The following ALK variants were observed in gnomAD, a reference collection of about 807,000 sequenced individuals.
ALK encodes the protein ALK receptor tyrosine kinase, also known as ALK tyrosine kinase receptor.
A neutral mutation model predicts 163.1 loss-of-function variants in ALK; 74 were observed. That is an observed-to-expected ratio of 0.45 (90% CI 0.38 to 0.55). The LOEUF is 0.55. ALK is among the 20% of genes least tolerant of loss of function. The pLI is 0.00. For synonymous variants in ALK, 960 were observed against 843.2 expected (o/e 1.14, Z -2.40); for missense variants, 2,063 against 2,105.3 (o/e 0.98, Z 0.39).
chr2:29,545,294 T>C (rs1673525503), intron 3 of ALK, among the ~76,000 whole-genome samples: 2 of 152,216 alleles, frequency 1.3e-5, no homozygotes, highest in Non-Finnish European at 2.9e-5. Flanking sequence ...TCATGTGGTC[T>C]TATGAATTGT....
intron 4 of ALK, among the ~76,000 whole-genome samples, chr2:29,490,457 A>C (rs1223353944): frequency 6.6e-6 from 1 of 152,220 alleles, no homozygotes; most frequent in Non-Finnish European, 1.5e-5. Flanking sequence ...GATCAGCGGC[A>C]TCAGCATCAT....
chr2:29,787,042 G>T (rs1450625804), intron 1 of ALK, among the ~76,000 whole-genome samples: 1 of 152,068 alleles, frequency 6.6e-6, no homozygotes, highest in Admixed American at 6.5e-5. Flanking sequence ...TGATCTGCCC[G>T]CCTTGGCCTC....
chr2:29,369,982 T>C (rs112963134), intron 5 of ALK, among the ~76,000 whole-genome samples: 2 of 152,122 alleles, frequency 1.3e-5, no homozygotes, highest in African/African-American at 4.8e-5. Context: ...CCTCGTGCAT[T>C]AGTTGACACA....
At chr2:29,675,913 A>T (rs1337059377) in intron 3 of ALK, among the ~76,000 whole-genome samples, 4 of 151,968 alleles carry the variant, frequency 2.6e-5, no homozygotes, top group African/African-American at 9.7e-5. Context: ...TGTTGTAGAG[A>T]TGGCACCCCT....
intron 4 of ALK, among the ~76,000 whole-genome samples, chr2:29,518,194 C>T (rs1357155303): frequency 6.6e-6 from 1 of 152,148 alleles, no homozygotes; most frequent in Non-Finnish European, 1.5e-5. Context: ...ACACTTAAGA[C>T]AACAGTGCAG....
At chr2:29,816,704 G>A (rs1196875787) in intron 1 of ALK, among the ~76,000 whole-genome samples, 1 of 152,172 alleles carries the variant, frequency 6.6e-6, no homozygotes, top group African/African-American at 2.4e-5. Context: ...CACACCACCT[G>A]GCTCTGCGAC....
intron 4 of ALK, among the ~76,000 whole-genome samples, chr2:29,394,908 A>G (rs1035499595): frequency 1.1e-4 from 16 of 152,010 alleles, no homozygotes; most frequent in Non-Finnish European, 2.2e-4. Flanking sequence ...CCCATGGAGA[A>G]GGATAAAGAC....
intron 8 of ALK, among the ~76,000 whole-genome samples, chr2:29,304,944 C>T (rs934681696): frequency 6.6e-5 from 10 of 152,198 alleles, no homozygotes; most frequent in Non-Finnish European, 8.8e-5. Context: ...GCTTTCCAGA[C>T]GACTAATGTC....
At chr2:29,521,870 G>A (rs1672822183) in intron 4 of ALK, among the ~76,000 whole-genome samples, 1 of 152,240 alleles carries the variant, frequency 6.6e-6, no homozygotes, top group African/African-American at 2.4e-5. Context: ...TCAGAAGACA[G>A]GAGAGCGGAG....
chr2:29,431,091 C>T (rs116389736), intron 4 of ALK, among the ~76,000 whole-genome samples: 2,019 of 151,016 alleles, frequency 0.013, 43 homozygotes, highest in African/African-American at 0.046. Context: ...AGATGCCAGA[C>T]ACAAGAGAAT....
intron 26 of ALK, among the ~76,000 whole-genome samples, chr2:29,201,268 C>T (rs777267326): frequency 1.3e-5 from 2 of 152,168 alleles, no homozygotes; most frequent in Non-Finnish European, 2.9e-5. Flanking sequence ...GATGCCCACT[C>T]ATTAGCTTCA....
intron 1 of ALK, among the ~76,000 whole-genome samples, chr2:29,767,147 A>T (rs1411749235): frequency 6.6e-6 from 1 of 152,232 alleles, no homozygotes; most frequent in Non-Finnish European, 1.5e-5. Flanking sequence ...GAGTTTACAT[A>T]TAATTTTTAC....
intron 1 of ALK, among the ~76,000 whole-genome samples, chr2:29,811,212 G>A (rs939899758): frequency 1.3e-4 from 17 of 126,580 alleles, no homozygotes; most frequent in African/African-American, 3.5e-4. Context: ...GACGTGAAGC[G>A]GGAGAGAAGG....
At chr2:29,301,588 C>A (rs1666372036) in intron 8 of ALK, among the ~76,000 whole-genome samples, 1 of 152,196 alleles carries the variant, frequency 6.6e-6, no homozygotes, top group East Asian at 1.9e-4. Flanking sequence ...GGTCAGGGAC[C>A]AGGGAAGGGG....
intron 8 of ALK, among the ~76,000 whole-genome samples, chr2:29,302,625 T>C (rs2148235782): frequency 6.6e-6 from 1 of 152,334 alleles, no homozygotes; most frequent in Middle Eastern, 3.4e-3. Flanking sequence ...AGGCATGCAC[T>C]CTCTGAGTTT....
intron 9 of ALK, among the ~76,000 whole-genome samples, chr2:29,283,065 G>C (rs1665755161): frequency 6.6e-6 from 1 of 152,210 alleles, no homozygotes; most frequent in Non-Finnish European, 1.5e-5. Context: ...CAGCAAGCGA[G>C]GGGCCTGTGC....
At chr2:29,418,450 T>C (rs1187706764) in intron 4 of ALK, among the ~76,000 whole-genome samples, 1 of 152,232 alleles carries the variant, frequency 6.6e-6, no homozygotes, top group Non-Finnish European at 1.5e-5. Flanking sequence ...TTTTAAAACA[T>C]TTTTAAAGAT....
intron 3 of ALK, among the ~76,000 whole-genome samples, chr2:29,681,552 C>T (rs1678067497): frequency 1.3e-5 from 2 of 152,148 alleles, no homozygotes; most frequent in South Asian, 4.1e-4. Context: ...CCATTTAGTT[C>T]TTGAGTGTCT....
At chr2:29,406,919 C>G (rs146060528) in intron 4 of ALK, among the ~76,000 whole-genome samples, 2,330 of 146,116 alleles carry the variant, frequency 0.016, 60 homozygotes, top group African/African-American at 0.057. Context: ...AAAAAAGTTA[C>G]AACAGAATTT....
Sources: gnomAD v4.1 joint callset for allele counts (sites outside exome capture counted in the v4.1 genomes callset) on GRCh38, gnomAD v4.1.1 for gene constraint, MANE v1.5 for transcripts, NCBI Gene and HGNC (gene_info 2026-07-23, HGNC 2026-07-21) for gene names.